CTNNA2: variants seen among roughly 807,000 people sequenced by gnomAD.
The protein encoded by CTNNA2 is catenin alpha 2.
Under a neutral mutation model 101.0 loss-of-function variants are expected in CTNNA2, and 42 were observed. The ratio of observed to expected loss-of-function variants is 0.42; its 90% confidence interval spans 0.32 to 0.54. CTNNA2 has a LOEUF of 0.54. Ranked by LOEUF, CTNNA2 falls within the 20% of genes least tolerant of loss-of-function variation. CTNNA2 has a pLI of 0.14. For missense variants in CTNNA2, 871 were observed against 1,223.1 expected (o/e 0.71, Z 4.29); for synonymous variants, 450 against 456.4 (o/e 0.99, Z 0.18).
intron 2 of CTNNA2, among the ~76,000 whole-genome samples, chr2:79,224,347 C>A (rs990683539): frequency 6.6e-6 from 1 of 152,072 alleles, no homozygotes; most frequent in Admixed American, 6.6e-5. Flanking sequence ...AACGCTTTAT[C>A]TTGACATTTC....
rs185296820 is a variant in CTNNA2 at position 79,667,796 on chromosome 2, G to T, written c.102+16138G>T. Among the ~76,000 whole-genome samples, 45 of 152,238 alleles carry T rather than the reference G, an allele frequency of 3.0e-4. 1 individual carries two copies. Among genetic ancestry groups the T allele is most frequent in the African/African-American group, 1.0e-3 (42 of 41,538 alleles). On this transcript the variant is annotated intron_variant, in intron 2 of 18. Transcript: ENST00000402739. The stretch of plus-strand genomic sequence containing the variant: ...ACTAGATATTGAGTTATTTCCAGAA[G>T]ACATTTATTAATGTATTCAGGTTTG...
chr2:79,581,408 G>A (rs368373342), intron 1 of CTNNA2, among the ~76,000 whole-genome samples: 4 of 151,956 alleles, frequency 2.6e-5, no homozygotes, highest in Admixed American at 2.0e-4. Flanking sequence ...GCCTGTAATC[G>A]CAGCTACTAG....
At chr2:79,954,112 A>G (rs2104505103) in intron 7 of CTNNA2, among the ~76,000 whole-genome samples, 1 of 152,290 alleles carries the variant, frequency 6.6e-6, no homozygotes, top group South Asian at 2.1e-4. Context: ...CCTCCTTCAC[A>G]GGCAGCAGGA....
intron 7 of CTNNA2, among the ~76,000 whole-genome samples, chr2:80,329,636 G>A (rs781558399): frequency 1.3e-5 from 2 of 152,176 alleles, no homozygotes; most frequent in Admixed American, 1.3e-4. Context: ...TCAGGACAGG[G>A]TGTGCCTCCA....
chr2:80,578,717 C>T lies in CTNNA2; in HGVS notation c.1894-2989C>T, dbSNP rs193047673. Among the ~76,000 whole-genome samples the T allele has an allele frequency of 2.6e-5, 4 of 152,194 alleles. No individual in the cohort carries two copies. In the East Asian group the frequency reaches 5.8e-4, roughly 22 times the overall value. ...GCTCTGAAACCGTCAACTTGTTGCC[C>T]GCCTCCATCACTTGCTAGGTGTGAT... On this transcript the variant is annotated intron_variant, in intron 13 of 18. Coordinates refer to ENST00000402739, the MANE Select transcript of CTNNA2 (RefSeq NM_001282597.3).
At chr2:80,619,022 C>CTTTTTTTTTTT (rs56987036) in intron 17 of CTNNA2, 63 bp from the exon 18 acceptor site, 1 of 839,812 alleles carries the variant, frequency 1.2e-6, no homozygotes. Flanking sequence ...AAGTAGGGTA[C>CTTTTTTTTTTT]TTTTTTTTTT....
chr2:79,641,247 G>A (rs567088238), intron 1 of CTNNA2, among the ~76,000 whole-genome samples: 1 of 152,256 alleles, frequency 6.6e-6, no homozygotes, highest in Admixed American at 6.5e-5. Flanking sequence ...ATTTTACAGT[G>A]AGACTAAAGG....
At chr2:79,561,974 G>T (rs951954468) in intron 1 of CTNNA2, among the ~76,000 whole-genome samples, 1 of 151,880 alleles carries the variant, frequency 6.6e-6, no homozygotes, top group Non-Finnish European at 1.5e-5. Flanking sequence ...GAAGTCAAAT[G>T]TATTTGTTTT....
At chr2:79,297,426 A>T (rs1395386993) in intron 2 of CTNNA2, among the ~76,000 whole-genome samples, 1 of 152,164 alleles carries the variant, frequency 6.6e-6, no homozygotes, top group Non-Finnish European at 1.5e-5. Flanking sequence ...AAGAGTTTTT[A>T]AACAAATTCT....
chr2:79,689,341 T>A (rs933305679), intron 2 of CTNNA2, among the ~76,000 whole-genome samples: 1 of 151,894 alleles, frequency 6.6e-6, no homozygotes. Context: ...GAAAATAGAA[T>A]CTGTCACAAG....
chr2:79,940,845 A>G (rs1369633911), intron 7 of CTNNA2, among the ~76,000 whole-genome samples: 8 of 152,234 alleles, frequency 5.3e-5, no homozygotes, highest in Non-Finnish European at 1.2e-4. Flanking sequence ...TGAATATCGC[A>G]TGAAAAGAGA....
intron 4 of CTNNA2, among the ~76,000 whole-genome samples, chr2:79,410,581 A>T (rs1021743700): frequency 5.9e-5 from 9 of 151,708 alleles, no homozygotes; most frequent in Non-Finnish European, 8.8e-5. Flanking sequence ...TCTTTGGTTC[A>T]GTTTATATGC....
intron 7 of CTNNA2, among the ~76,000 whole-genome samples, chr2:80,281,524 A>G (rs182622429): frequency 3.7e-4 from 57 of 152,210 alleles, no homozygotes; most frequent in African/African-American, 1.3e-3. Context: ...ATGTCCTCCA[A>G]ACCTTCATAC....
rs180871223 is a variant in CTNNA2, at chr2:79,880,371, G to A, written c.852+6029G>A. ...AGGAGTCCTTCCTTTTCAGTTGTTT[G>A]GAATAGTTACAAAAGGAAGGGTACC... On this transcript the variant is annotated intron_variant, in intron 6 of 18. Transcript: ENST00000402739. Among the ~76,000 whole-genome samples the A allele has an allele frequency of 1.1e-3, 175 of 152,186 alleles. 1 individual carries two copies. Among genetic ancestry groups the A allele is most frequent in the African/African-American group, 4.1e-3 (171 of 41,518 alleles).
chr2:79,640,510 C>G (rs1174275564), intron 1 of CTNNA2, among the ~76,000 whole-genome samples: 1 of 152,106 alleles, frequency 6.6e-6, no homozygotes, highest in Admixed American at 6.5e-5. Context: ...TTCTGAAATA[C>G]ATAAATAAAA....
intron 7 of CTNNA2, among the ~76,000 whole-genome samples, chr2:80,342,302 C>CAAATAGTGT (rs1672318102): frequency 1.3e-5 from 2 of 152,136 alleles, no homozygotes; most frequent in African/African-American, 4.8e-5. Context: ...AATAGTATCA[C>CAAATAGTGT]CTGGAGTTGG....
At chr2:79,631,563 A>T (rs1240869518) in intron 1 of CTNNA2, among the ~76,000 whole-genome samples, 1 of 152,144 alleles carries the variant, frequency 6.6e-6, no homozygotes, top group Admixed American at 6.5e-5. Context: ...GTCTTTCTTG[A>T]ATGTTTAGGA....
intron 4 of CTNNA2, among the ~76,000 whole-genome samples, chr2:79,861,501 G>A (rs1156864050): frequency 6.6e-6 from 1 of 152,160 alleles, no homozygotes; most frequent in Non-Finnish European, 1.5e-5. Context: ...CTGAGGTCGT[G>A]TGGTTTGGCA....
At chr2:80,414,944 A>C (rs1185125215) in intron 8 of CTNNA2, among the ~76,000 whole-genome samples, 7 of 152,242 alleles carry the variant, frequency 4.6e-5, no homozygotes, top group Admixed American at 4.6e-4. Flanking sequence ...TTGCATTTCT[A>C]ATAAGCTCCC....
Sources: gnomAD v4.1 joint callset for allele counts (sites outside exome capture counted in the v4.1 genomes callset) on GRCh38, gnomAD v4.1.1 for gene constraint, MANE v1.5 for transcripts, NCBI Gene and HGNC (gene_info 2026-07-23, HGNC 2026-07-21) for gene names.